The following RTRAF variants were observed in gnomAD, a reference collection of about 807,000 sequenced individuals.
RTRAF encodes tRNA-splicing ligase complex subunit RTRAF.
Under a neutral mutation model 34.4 loss-of-function variants are expected in RTRAF, and 14 were observed. The ratio of observed to expected loss-of-function variants is 0.41; its 90% CI spans 0.27 to 0.64. The LOEUF is 0.64. Ranked by LOEUF, RTRAF falls within the 30% of genes least tolerant of loss-of-function variation. The pLI is 0.34. For synonymous variants in RTRAF, 96 were observed against 95.3 expected, an observed-to-expected ratio of 1.01 and a Z score of -0.04; for missense variants, 291 against 288.4, an observed-to-expected ratio of 1.01 and a Z score of -0.06.
Position 52,008,224 on chromosome 14 carries a change from A to C in RTRAF, c.*3708A>C. 1 of 342,278 alleles carries C rather than the reference A, an allele frequency of 2.9e-6. No individual in the cohort carries two copies. The allele number at this position is 342,278 out of a possible 1,614,324, so 21.2% of individuals were successfully genotyped here. Reference sequence around the variant, plus strand: ...GCTCTCTCTTGCTCCCTTTGAGGGAAGCTGGATGCCATGTTGCAAGCTACC... The same window carrying C: ...GCTCTCTCTTGCTCCCTTTGAGGGACGCTGGATGCCATGTTGCAAGCTACC... On this transcript the variant is annotated 3_prime_UTR_variant, in exon 8 of 8. Coordinates refer to ENST00000261700, the MANE Select transcript of RTRAF (RefSeq NM_016039.3).
chr14:52,002,138 C>T (rs1330913633), intron 6 of RTRAF, among the ~76,000 whole-genome samples: 1 of 152,078 alleles, frequency 6.6e-6, no homozygotes, highest in Non-Finnish European at 1.5e-5. Flanking sequence ...TGCTTGTGGC[C>T]CGTTGAAGTT....
chr14:52,000,911 A>G (rs1350217488), intron 5 of RTRAF, among the ~76,000 whole-genome samples: 1 of 152,206 alleles, frequency 6.6e-6, no homozygotes, highest in Admixed American at 6.5e-5. Flanking sequence ...GGGATAAAGT[A>G]TAAATCAACT....
Position 51,993,724 on chromosome 14 carries a change from A to T in RTRAF, c.188A>T (p.Tyr63Phe), listed in dbSNP as rs1447770015. ...SSDWPKFFEK[Y>F]LRDVNCPFKI... ...GTTTTCTTTTCTTCCCCCTCACAGT[A>T]TCTCAGAGATGTTAACTGTCCTTTC... Residue 63 changes from tyrosine (Y) to phenylalanine (F), a missense_variant and splice_region_variant, in exon 3 of 8, where the codon TAT (tyrosine) becomes TTT (phenylalanine). Coordinates refer to ENST00000261700, the MANE Select transcript of RTRAF (RefSeq NM_016039.3). The T allele has an allele frequency of 4.5e-5, 71 of 1,566,300 alleles. No homozygotes were observed. Among genetic ancestry groups the T allele is most frequent in the Non-Finnish European group, 5.8e-5 (66 of 1,144,370 alleles).
At position 52,010,677 on chromosome 14, in the gene RTRAF, A is replaced by G. The variant is rs772832169; in HGVS notation, c.*6161A>G. Reference sequence around the variant, plus strand: ...CAGTCTTGTTTCCTCCTAATAAAATATAAGTGCCATGAAAGAACAGACCTT... The same window carrying G: ...CAGTCTTGTTTCCTCCTAATAAAATGTAAGTGCCATGAAAGAACAGACCTT... On this transcript the variant is annotated 3_prime_UTR_variant, in exon 8 of 8. Coordinates refer to ENST00000261700, the MANE Select transcript of RTRAF (RefSeq NM_016039.3). 334 of 540,460 alleles carry G rather than the reference A, an allele frequency of 6.2e-4. No homozygotes were observed. The highest frequency in any genetic ancestry group is 1.0e-3 in the Non-Finnish European group (302 of 302,670). 33.5% of individuals were successfully genotyped at this position (540,460 alleles called of 1,614,324 possible).
chr14:52,005,930 C>CAAT lies in RTRAF; in HGVS notation c.*1416_*1418dup. The stretch of plus-strand genomic sequence containing the variant: ...TCAGTCAGCCACAGAAAATCAGTTG[C>CAAT]AATAGAGGAAAATTTCTGGCAGCCT... On this transcript the variant is annotated 3_prime_UTR_variant, in exon 8 of 8. Coordinates refer to ENST00000261700, the MANE Select transcript of RTRAF (RefSeq NM_016039.3). The CAAT allele has an allele frequency of 1.9e-6, 2 of 1,072,798 alleles. No homozygotes were observed. The highest frequency in any genetic ancestry group is 2.6e-5 in the South Asian group (2 of 77,456). The allele number at this position is 1,072,798 out of a possible 1,614,324, so 66.5% of individuals were successfully genotyped here.
intron 4 of RTRAF, among the ~76,000 whole-genome samples, chr14:51,998,962 T>C (rs1433357738): frequency 1.3e-5 from 2 of 152,006 alleles, no homozygotes; most frequent in Non-Finnish European, 2.9e-5. Context: ...TTTAAAAATA[T>C]GAAGAATCTA....
Position 52,008,429 on chromosome 14 carries a change from G to A in RTRAF, c.*3913G>A, listed in dbSNP as rs956592371. The A allele has an allele frequency of 1.0e-4, 16 of 153,152 alleles. No homozygotes were observed. Among genetic ancestry groups the A allele is most frequent in the African/African-American group, 3.9e-4 (16 of 41,460 alleles). 9.5% of individuals were successfully genotyped at this position (153,152 alleles called of 1,614,324 possible). A position where few individuals can be genotyped will look rare whatever the true frequency, so the allele number is the denominator to read the frequency against. ...GCCTTGTGAGAGACTCCATGCCTGA[G>A]GGAGCTCGGTGAAGACACACTTGGA... On this transcript the variant is annotated 3_prime_UTR_variant, in exon 8 of 8. Coordinates refer to ENST00000261700, the MANE Select transcript of RTRAF (RefSeq NM_016039.3).
chr14:52,004,120 T>C, intron 6 of RTRAF, 74 bp from the exon 7 acceptor site: 1 of 1,312,860 alleles, frequency 7.6e-7, no homozygotes. Context: ...AGCTAGGTGC[T>C]TTTCAGTTTC....
At chr14:52,001,503 T>C (rs1002534696) in intron 5 of RTRAF, among the ~76,000 whole-genome samples, 5 of 152,180 alleles carry the variant, frequency 3.3e-5, no homozygotes, top group African/African-American at 1.2e-4. Context: ...AGACCTACTT[T>C]TTACCATGTG....
Position 52,004,457 on chromosome 14 carries a change from G to A in RTRAF, c.676G>A (p.Val226Ile). 1.2e-6 allele frequency: 2 copies of A among 1,614,014 alleles called. No homozygotes were observed. The highest frequency in any genetic ancestry group is 1.7e-6 in the Non-Finnish European group (2 of 1,179,918). The change falls in exon 8 of 8, where the codon GTT becomes ATT. Residue 226 changes from valine to isoleucine, a missense_variant. By Grantham distance (29) the Val-to-Ile change is conservative. Transcript: ENST00000261700. ...QTKINEAIVA[V>I]QAIIADPKTD... ...AAAAATCAACGAAGCCATAGTAGCT[G>A]TTCAGGCAATTATTGCTGATCCAAA...
chr14:52,006,479 GGT>G lies in RTRAF; in HGVS notation c.*1968_*1969del, dbSNP rs1040716408. On this transcript the variant is annotated 3_prime_UTR_variant, in exon 8 of 8. Transcript: ENST00000261700. Reference sequence around the variant, plus strand: ...GGTACTGACTTTTGGTAAAACAAGTGGTGTGTCCTCTGGAACAGTTGGCCTTT... The same window carrying G: ...GGTACTGACTTTTGGTAAAACAAGTGGTGTCCTCTGGAACAGTTGGCCTTT... The G allele has an allele frequency of 3.1e-5, 49 of 1,603,090 alleles. No individual in the cohort carries two copies. In the African/African-American group the frequency reaches 6.4e-4, roughly 21 times the overall value.
At chr14:52,001,735 C>T in intron 5 of RTRAF, 63 bp from the exon 6 acceptor site, 3 of 1,296,006 alleles carry the variant, frequency 2.3e-6, no homozygotes, top group Non-Finnish European at 2.2e-6. Context: ...TCTCTGGGCT[C>T]ATAGAAGAAA....
At chr14:51,996,250 A>G (rs1594985941) in intron 3 of RTRAF, among the ~76,000 whole-genome samples, 1 of 152,280 alleles carries the variant, frequency 6.6e-6, no homozygotes, top group Non-Finnish European at 1.5e-5. Flanking sequence ...AAGCTAGAAA[A>G]CAAGTTTTGT....
At chr14:52,002,400 G>A (rs1566734144) in intron 6 of RTRAF, among the ~76,000 whole-genome samples, 1 of 152,166 alleles carries the variant, frequency 6.6e-6, no homozygotes, top group African/African-American at 2.4e-5. Context: ...GTGCTCTTAC[G>A]GTAGGTGGGG....
In RTRAF at chr14:52,006,545, G is replaced by A. The variant is rs536879451; in HGVS notation, c.*2029G>A. On this transcript the variant is annotated 3_prime_UTR_variant, in exon 8 of 8. Coordinates refer to ENST00000261700, the MANE Select transcript of RTRAF (RefSeq NM_016039.3). ...GAATTTGTGGGGCTCACCTCCTCCAGTCTGTGTGGTAGAAGTGATCTGCAT... is the reference window on the plus strand; with the variant it reads ...GAATTTGTGGGGCTCACCTCCTCCAATCTGTGTGGTAGAAGTGATCTGCAT... 14 of 1,613,590 alleles carry A rather than the reference G, an allele frequency of 8.7e-6. No individual in the cohort carries two copies. Among genetic ancestry groups the A allele is most frequent in the Non-Finnish European group, 3.4e-6 (4 of 1,179,674 alleles).
Position 52,007,612 on chromosome 14 carries a change from T to C in RTRAF, c.*3096T>C, listed in dbSNP as rs1309427688. The C allele has an allele frequency of 5.2e-6, 3 of 580,450 alleles. No individual in the cohort carries two copies. The highest frequency in any genetic ancestry group is 6.5e-5 in the Admixed American group (2 of 30,672). The allele number at this position is 580,450 out of a possible 1,614,324, so 36.0% of individuals were successfully genotyped here. On this transcript the variant is annotated 3_prime_UTR_variant, in exon 8 of 8. Coordinates refer to ENST00000261700, the MANE Select transcript of RTRAF (RefSeq NM_016039.3). ...AGCAGTACAAACTTACTGCTTGATA[T>C]ATCCTTCCCTCCACCCAAACCCCAG... is the stretch of plus-strand genomic sequence containing the variant.
At chr14:51,992,195 G>C (rs779489489) in intron 2 of RTRAF, among the ~76,000 whole-genome samples, 1 of 152,138 alleles carries the variant, frequency 6.6e-6, no homozygotes, top group Non-Finnish European at 1.5e-5. Flanking sequence ...GCATAAAAAA[G>C]AATTCTCAGA....
Position 52,006,491 on chromosome 14 carries a change from G to T in RTRAF, c.*1975G>T. On this transcript the variant is annotated 3_prime_UTR_variant, in exon 8 of 8. Transcript: ENST00000261700. ...TGGTAAAACAAGTGGTGTGTCCTCTGGAACAGTTGGCCTTTTCAGGCTTGT... is the reference window on the plus strand; with the variant it reads ...TGGTAAAACAAGTGGTGTGTCCTCTTGAACAGTTGGCCTTTTCAGGCTTGT... The T allele has an allele frequency of 6.2e-7, 1 of 1,610,046 alleles. No individual in the cohort carries two copies. The highest frequency in any genetic ancestry group is 1.1e-5 in the South Asian group (1 of 90,612).
chr14:52,007,515 TTAAG>T lies in RTRAF; in HGVS notation c.*3001_*3004del, dbSNP rs1890831643. ...TCTCCCCGCATAAGAATAACTTCAC[TTAAG>T]TTTGTCAATTCAACAATGGCTAATT... is the stretch of plus-strand genomic sequence containing the variant. On this transcript the variant is annotated 3_prime_UTR_variant, in exon 8 of 8. Coordinates refer to ENST00000261700, the MANE Select transcript of RTRAF (RefSeq NM_016039.3). 1 of 359,812 alleles carries T rather than the reference TTAAG, an allele frequency of 2.8e-6. No individual in the cohort carries two copies. Among genetic ancestry groups the T allele is most frequent in the Admixed American group, 4.8e-5 (1 of 20,988 alleles). 22.3% of individuals were successfully genotyped at this position (359,812 alleles called of 1,614,324 possible).
Sources: gnomAD v4.1 joint callset for allele counts (sites outside exome capture counted in the v4.1 genomes callset) on GRCh38, gnomAD v4.1.1 for gene constraint, MANE v1.5 for transcripts, NCBI Gene and HGNC (gene_info 2026-07-23, HGNC 2026-07-21) for gene names.